The following RIN3 variants were observed in gnomAD, a reference collection of about 807,000 sequenced individuals.
RIN3 encodes RAB5 interacting protein 3.
RIN3 carries 54 observed loss-of-function variants against 76.3 expected under a neutral mutation model. That is an observed-to-expected ratio of 0.71 (90% confidence interval 0.57 to 0.89). RIN3 has a LOEUF of 0.89. Ranked by LOEUF, RIN3 falls within the 40% of genes least tolerant of loss-of-function variation. The pLI is 0.00. For missense variants in RIN3, 1,256 were observed against 1,322.1 expected (o/e 0.95, Z 0.78); for synonymous variants, 576 against 564.0 (o/e 1.02, Z -0.30).
intron 1 of RIN3, among the ~76,000 whole-genome samples, chr14:92,538,213 C>T (rs936479742): frequency 1.3e-5 from 2 of 152,288 alleles, no homozygotes; most frequent in Admixed American, 1.3e-4. Context: ...AGGTGATCTG[C>T]CTGCCTTGAC....
intron 4 of RIN3, among the ~76,000 whole-genome samples, chr14:92,637,765 C>G (rs539970348): frequency 6.6e-6 from 1 of 152,230 alleles, no homozygotes; most frequent in South Asian, 2.1e-4. Context: ...GTGATAGCTC[C>G]TTTTCCTTAA....
chr14:92,671,630 G>A (rs1314736007), intron 7 of RIN3, among the ~76,000 whole-genome samples: 2 of 152,188 alleles, frequency 1.3e-5, no homozygotes, highest in Non-Finnish European at 2.9e-5. Context: ...TCCATAGCCA[G>A]GGGATACAAA....
chr14:92,550,040 G>T lies in RIN3; in HGVS notation c.45-5711G>T, dbSNP rs148664745. ...ACAGATGGCTGATCTGATGCTGGTT[G>T]GGCTTAGCGACGGTTCCTGGCAGTT... On this transcript the variant is annotated intron_variant, in intron 1 of 9. Transcript: ENST00000216487. Among the ~76,000 whole-genome samples, 308 of 152,304 alleles carry T rather than the reference G, an allele frequency of 2.0e-3. 2 individuals carry two copies. The highest frequency in any genetic ancestry group is 2.1e-3 in the Non-Finnish European group (146 of 68,024).
At chr14:92,566,814 T>A (rs2140047406) in intron 2 of RIN3, among the ~76,000 whole-genome samples, 1 of 152,340 alleles carries the variant, frequency 6.6e-6, no homozygotes, top group South Asian at 2.1e-4. Flanking sequence ...GACCTGCCGC[T>A]TGAATGCCCA....
chr14:92,608,196 T>C (rs1032492556), intron 3 of RIN3, among the ~76,000 whole-genome samples: 7 of 152,190 alleles, frequency 4.6e-5, no homozygotes, highest in Non-Finnish European at 8.8e-5. Flanking sequence ...GAATGGCATC[T>C]GGGGATTGCA....
Position 92,601,341 on chromosome 14 carries a change from C to A in RIN3, c.368-14066C>A, listed in dbSNP as rs544809114. Reference sequence around the variant, plus strand: ...GGCACGGACTGCAGTGTCAGAACCGCCCAAGGCCACGTCCTAGCCTCACCG... The same window carrying A: ...GGCACGGACTGCAGTGTCAGAACCGACCAAGGCCACGTCCTAGCCTCACCG... On this transcript the variant is annotated intron_variant, in intron 3 of 9. Coordinates refer to ENST00000216487, the MANE Select transcript of RIN3 (RefSeq NM_024832.5). Among the ~76,000 whole-genome samples, 3 of 152,276 alleles carry A rather than the reference C, an allele frequency of 2.0e-5. No homozygotes were observed. In the East Asian group the frequency reaches 5.8e-4, roughly 29 times the overall value.
intron 1 of RIN3, among the ~76,000 whole-genome samples, chr14:92,536,742 G>GAA (rs66654234): frequency 2.3e-5 from 3 of 128,232 alleles, no homozygotes; most frequent in African/African-American, 2.8e-5. Flanking sequence ...CTCCGTCTCA[G>GAA]AAAAAAAAAA....
chr14:92,647,852 C>G (rs957924822), intron 5 of RIN3, among the ~76,000 whole-genome samples: 2 of 152,084 alleles, frequency 1.3e-5, no homozygotes, highest in Admixed American at 1.3e-4. Context: ...AAGAGGTGTC[C>G]CCAGCCAACG....
chr14:92,571,619 C>G (rs930313078), intron 2 of RIN3, among the ~76,000 whole-genome samples: 1 of 152,204 alleles, frequency 6.6e-6, no homozygotes, highest in Non-Finnish European at 1.5e-5. Flanking sequence ...TTAGTGCAGA[C>G]TCCACGGGCT....
At chr14:92,676,660 C>T (rs745399232) in intron 8 of RIN3, 54 bp downstream of exon 8, 124 of 1,588,342 alleles carry the variant, frequency 7.8e-5, no homozygotes, top group South Asian at 1.7e-4. Flanking sequence ...AACTCAGCCA[C>T]GCCACGGGCA....
At chr14:92,531,936 T>TC (rs1162656077) in intron 1 of RIN3, among the ~76,000 whole-genome samples, 1 of 151,524 alleles carries the variant, frequency 6.6e-6, no homozygotes, top group East Asian at 1.9e-4. Context: ...TCTTATCTTT[T>TC]TTTTTTTTTT....
In RIN3 at chr14:92,590,551, G is replaced by C. The variant is rs1327395688; in HGVS notation, c.367+13074G>C. The stretch of plus-strand genomic sequence containing the variant: ...TTGAAAGCTCCCCAAGGTTTCACCA[G>C]AAGCTGAGCTGATACGAGCACCGTG... On this transcript the variant is annotated intron_variant, in intron 3 of 9. Coordinates refer to ENST00000216487, the MANE Select transcript of RIN3 (RefSeq NM_024832.5). Among the ~76,000 whole-genome samples the C allele has an allele frequency of 2.6e-5, 4 of 152,182 alleles. No individual in the cohort carries two copies. In the East Asian group the frequency reaches 7.7e-4, roughly 29 times the overall value.
intron 1 of RIN3, among the ~76,000 whole-genome samples, chr14:92,525,173 G>A (rs760134255): frequency 6.6e-6 from 1 of 152,196 alleles, no homozygotes; most frequent in Non-Finnish European, 1.5e-5. Flanking sequence ...CCCATGGGCA[G>A]CAAGGAGCAC....
At chr14:92,592,400 CAAA>C (rs35193465) in intron 3 of RIN3, among the ~76,000 whole-genome samples, 5 of 75,892 alleles carry the variant, frequency 6.6e-5, no homozygotes, top group Non-Finnish European at 1.4e-4. Flanking sequence ...GACTCTGTCT[CAAA>C]AAAAAAAAAA....
In RIN3 at chr14:92,685,151, G is replaced by A. The variant is rs750837195; in HGVS notation, c.2631+1G>A. The A allele has an allele frequency of 1.9e-6, 3 of 1,603,656 alleles. No individual in the cohort carries two copies. Among genetic ancestry groups the A allele is most frequent in the East Asian group, 4.5e-5 (2 of 44,476 alleles). The stretch of plus-strand genomic sequence containing the variant: ...CCGGGCCTCCCGCTCCTCCGTACAG[G>A]TGAGGCCTGAGAGCGGGAGGGGCCC... On this transcript the variant is annotated splice_donor_variant, in intron 9 of 9. Coordinates refer to ENST00000216487, the MANE Select transcript of RIN3 (RefSeq NM_024832.5). LOFTEE classifies it high-confidence loss of function. The surrounding 1 kb of genome is among the most constrained non-coding windows in gnomAD (Gnocchi z 4.7).
intron 6 of RIN3, among the ~76,000 whole-genome samples, chr14:92,657,911 C>A (rs1056462737): frequency 6.6e-6 from 1 of 152,200 alleles, no homozygotes; most frequent in Non-Finnish European, 1.5e-5. Context: ...AGCATGAGTC[C>A]CTCCCTCCTC....
chr14:92,550,756 C>T (rs1197603616), intron 1 of RIN3, among the ~76,000 whole-genome samples: 5 of 152,172 alleles, frequency 3.3e-5, no homozygotes, highest in East Asian at 1.9e-4. Context: ...AACTGAAGCC[C>T]AGAGAGGTAA....
intron 3 of RIN3, among the ~76,000 whole-genome samples, chr14:92,606,231 G>T (rs1287887437): frequency 6.6e-6 from 1 of 151,720 alleles, no homozygotes; most frequent in Non-Finnish European, 1.5e-5. Flanking sequence ...CAAAAAATGT[G>T]CATCTAGAAT....
intron 1 of RIN3, among the ~76,000 whole-genome samples, chr14:92,517,352 G>A (rs1442632818): frequency 6.6e-6 from 1 of 152,140 alleles, no homozygotes; most frequent in Non-Finnish European, 1.5e-5. Flanking sequence ...AATTTTGTCT[G>A]GGGAGAGAAT....
Sources: gnomAD v4.1 joint callset for allele counts (sites outside exome capture counted in the v4.1 genomes callset) on GRCh38, gnomAD v4.1.1 for gene constraint, Gnocchi (gnomAD v3.1) non-coding constraint, MANE v1.5 for transcripts, NCBI Gene and HGNC (gene_info 2026-07-23, HGNC 2026-07-21) for gene names.